PXDN: variants seen among roughly 807,000 people sequenced by gnomAD.
PXDN encodes peroxidasin homolog.
In PXDN, 77 loss-of-function variants were observed where a neutral mutation model predicts 140.3. The observed-to-expected ratio is 0.55, with a 90% CI of 0.46 to 0.66. PXDN has a LOEUF of 0.66. Ranked by LOEUF, PXDN falls within the 30% of genes least tolerant of loss-of-function variation. The pLI is 0.00. For missense variants in PXDN, 1,838 were observed against 2,039.5 expected (o/e 0.90, Z 1.90); for synonymous variants, 911 against 857.4 (o/e 1.06, Z -1.09).
At chr2:1,711,455 A>C (rs1348074925) in intron 1 of PXDN, among the ~76,000 whole-genome samples, 1 of 76,074 alleles carries the variant, frequency 1.3e-5, no homozygotes, top group Non-Finnish European at 2.3e-5. Flanking sequence ...ACCAGCACCC[A>C]CTCTCCACCA....
At chr2:1,683,422 A>T (rs1204923406) in intron 6 of PXDN, among the ~76,000 whole-genome samples, 3 of 68,296 alleles carry the variant, frequency 4.4e-5, no homozygotes, top group African/African-American at 1.3e-4. Flanking sequence ...TCTGAAAAAA[A>T]ATTTTTTTAA....
chr2:1,688,039 G>T (rs918322719), intron 3 of PXDN, among the ~76,000 whole-genome samples: 3 of 152,136 alleles, frequency 2.0e-5, no homozygotes, highest in African/African-American at 7.2e-5. Flanking sequence ...TTTTCCACAG[G>T]CATGTATAAT....
At chr2:1,744,523 C>T (rs558039947), upstream of PXDN, 22 of 1,274,390 alleles carry the variant, frequency 1.7e-5, no homozygotes, top group South Asian at 2.3e-5. Context: ...TGCGCCCGCC[C>T]GGCCGCGGCC....
intron 16 of PXDN, chr2:1,653,224 C>T (rs1405596059): frequency 1.2e-5 from 4 of 323,180 alleles, no homozygotes; most frequent in Non-Finnish European, 2.4e-5. Flanking sequence ...TCCAAAACAA[C>T]CCTCCTAATA....
At chr2:1,708,248 G>A (rs568845294) in intron 1 of PXDN, among the ~76,000 whole-genome samples, 3 of 152,222 alleles carry the variant, frequency 2.0e-5, no homozygotes, top group African/African-American at 4.8e-5. Context: ...TCTGCAATTA[G>A]TTAAGAGGGG....
chr2:1,706,404 T>C (rs1241545440), intron 1 of PXDN, among the ~76,000 whole-genome samples: 3 of 150,112 alleles, frequency 2.0e-5, no homozygotes, highest in African/African-American at 7.4e-5. Context: ...CCTGCTGGCA[T>C]TGCCAGAAGC....
At chr2:1,637,072 C>T (rs1168504288) in intron 21 of PXDN, 1 of 152,342 alleles carries the variant, frequency 6.6e-6, no homozygotes, top group Non-Finnish European at 1.5e-5. Flanking sequence ...TGGACAGAAT[C>T]AGCAACATGG....
Position 1,649,369 on chromosome 2 carries a change from C to T in PXDN, c.2411G>A (p.Gly804Glu), listed in dbSNP as rs756609075. ...CTCGTCGGGTGTGACGGTCTCCGTC[C>T]CGATCAGGGTGGTGGACACCAGGCG... ...MPRLVSTTLI[G>E]TETVTPDEQF... The change falls in exon 17 of 23, where the codon GGG (glycine) becomes GAG (glutamate). Residue 804 changes from glycine to glutamate, a missense_variant. Around this residue, in one of 5 missense-constraint regions of PXDN, gnomAD observed 537 missense variants for 583.9 expected, o/e 0.92. Coordinates refer to ENST00000252804, the MANE Select transcript of PXDN (RefSeq NM_012293.3). This position sits in a 1 kb window ranked among gnomAD's most constrained non-coding sequence, Gnocchi z 7.1. 1.2e-6 allele frequency: 2 copies of T among 1,613,950 alleles called. No individual in the cohort carries two copies. The highest frequency in any genetic ancestry group is 2.2e-5 in the South Asian group (2 of 91,080).
At chr2:1,636,112 G>A (rs1047542935) in intron 21 of PXDN, 12 of 182,592 alleles carry the variant, frequency 6.6e-5, no homozygotes, top group Non-Finnish European at 1.4e-4. Context: ...CCACAGTACA[G>A]CACCAAGCTG....
Position 1,693,069 on chromosome 2 carries a change from T to A in PXDN, c.266A>T (p.Asn89Ile). 9 of 1,549,242 alleles carry A rather than the reference T, an allele frequency of 5.8e-6. No homozygotes were observed. Among genetic ancestry groups the A allele is most frequent in the Non-Finnish European group, 7.9e-6 (9 of 1,141,908 alleles). Residue 89 changes from asparagine (N) to isoleucine (I), a missense_variant, in exon 2 of 23, where the codon AAC becomes ATC. Transcript: ENST00000252804. ...ATAGAATATTTCCACTCACAATGTG[T>A]TCAAGTTCCTCAGCCGCCTGAATGC... ...PGAFRRLRNL[N>I]TLLLNNNQIK...
intron 1 of PXDN, among the ~76,000 whole-genome samples, chr2:1,703,397 A>G (rs1240535219): frequency 1.2e-3 from 33 of 26,928 alleles, no homozygotes; most frequent in South Asian, 2.2e-3. Flanking sequence ...CAGGTGAAGG[A>G]GGGACAACTC....
At chr2:1,742,107 T>C (rs982663798) in intron 1 of PXDN, among the ~76,000 whole-genome samples, 1 of 152,206 alleles carries the variant, frequency 6.6e-6, no homozygotes, top group Non-Finnish European at 1.5e-5. Context: ...CTGCAATGCA[T>C]CCAGCCAGGA....
chr2:1,689,087 G>T (rs1558509999), intron 3 of PXDN, among the ~76,000 whole-genome samples: 1 of 152,062 alleles, frequency 6.6e-6, no homozygotes, highest in Admixed American at 6.6e-5. Context: ...CAGAGGCCTG[G>T]CAAGGCTGTT....
intron 1 of PXDN, among the ~76,000 whole-genome samples, chr2:1,725,409 C>G (rs1040945477): frequency 5.3e-5 from 8 of 151,922 alleles, no homozygotes; most frequent in African/African-American, 1.9e-4. Flanking sequence ...TTCCTTACAC[C>G]TTATACAAAA....
intron 17 of PXDN, among the ~76,000 whole-genome samples, chr2:1,647,249 A>G (rs1682868496): frequency 6.6e-6 from 1 of 152,166 alleles, no homozygotes; most frequent in Admixed American, 6.5e-5. Flanking sequence ...TAGAAATAAC[A>G]TGAAAAAAAA....
Position 1,639,441 on chromosome 2 carries a change from G to A in PXDN, c.3953-19C>T. The A allele has an allele frequency of 1.2e-6, 2 of 1,613,888 alleles. No individual in the cohort carries two copies. Among genetic ancestry groups the A allele is most frequent in the Non-Finnish European group, 1.7e-6 (2 of 1,179,808 alleles). On this transcript the variant is annotated intron_variant, in intron 19 of 22. Transcript: ENST00000252804. The surrounding 1 kb of genome is among the most constrained non-coding windows in gnomAD (Gnocchi z 5.0). ...CTACAGTCTAAAATGGAAGCACAAA[G>A]CAGAATGTCAGCTCTGAAGGCTCTG...
Position 1,714,580 on chromosome 2 carries a change from G to A in PXDN, c.201-21446C>T, listed in dbSNP as rs181757909. Among the ~76,000 whole-genome samples the A allele has an allele frequency of 1.7e-3, 256 of 152,280 alleles. No homozygotes were observed. The highest frequency in any genetic ancestry group is 3.4e-3 in the Middle Eastern group (1 of 294). On this transcript the variant is annotated intron_variant, in intron 1 of 22. Transcript: ENST00000252804. This position sits in a 1 kb window ranked among gnomAD's most constrained non-coding sequence, Gnocchi z 4.3. Reference sequence around the variant, plus strand: ...AGGCCAGGTGGGGACATCTTTGCTTGAGGTGCAGATCCTGGCCTTGCAGCT... The same window carrying A: ...AGGCCAGGTGGGGACATCTTTGCTTAAGGTGCAGATCCTGGCCTTGCAGCT...
intron 19 of PXDN, among the ~76,000 whole-genome samples, chr2:1,640,961 C>T (rs1682712975): frequency 6.6e-6 from 1 of 152,192 alleles, no homozygotes; most frequent in African/African-American, 2.4e-5. Context: ...TCCTCACACC[C>T]CAGGGCACGG....
At chr2:1,668,728 G>A (rs1218455144) in intron 9 of PXDN, among the ~76,000 whole-genome samples, 1 of 152,086 alleles carries the variant, frequency 6.6e-6, no homozygotes, top group Non-Finnish European at 1.5e-5. Context: ...TTAGAGAAAT[G>A]GAAATCAAAA....
Sources: allele counts gnomAD v4.1 joint callset (sites outside exome capture counted in the v4.1 genomes callset), GRCh38; gene constraint gnomAD v4.1.1; regional missense constraint gnomAD v4.1.1; non-coding constraint Gnocchi (gnomAD v3.1); transcripts MANE v1.5; gene names NCBI Gene and HGNC (gene_info 2026-07-23, HGNC 2026-07-21).